Variants in TENM1 observed in about 807,000 individuals in gnomAD.
TENM1 encodes teneurin transmembrane protein 1, also known as teneurin-1.
Under a neutral mutation model 174.8 loss-of-function variants are expected in TENM1, and 35 were observed. The ratio of observed to expected loss-of-function variants is 0.20; its 90% CI spans 0.15 to 0.27. TENM1 has a LOEUF of 0.27. Ranked by LOEUF, TENM1 falls within the 10% of genes least tolerant of loss-of-function variation. TENM1 has a pLI of 1.00. For synonymous variants in TENM1, 781 were observed against 798.7 expected (o/e 0.98, Z 0.37); for missense variants, 1,633 against 2,130.1 (o/e 0.77, Z 4.59).
At chrX:124,854,771 T>C (rs2056784119) in intron 3 of TENM1, among the ~76,000 whole-genome samples, 1 of 111,608 alleles carries the variant, frequency 9.0e-6, no homozygotes, top group South Asian at 3.7e-4. Context: ...AAACTGTTGT[T>C]TGGAAAAATA....
chrX:124,948,905 A>C (rs1214578692), intron 1 of TENM1, among the ~76,000 whole-genome samples: 1 of 111,933 alleles, frequency 8.9e-6, no homozygotes, highest in Non-Finnish European at 1.9e-5. Flanking sequence ...ATAGCAGCTT[A>C]ATTGGAGGTA....
chrX:124,984,794 T>C, the TENM1 span, among the ~76,000 whole-genome samples: 1 of 112,156 alleles, frequency 8.9e-6, no homozygotes, highest in African/African-American at 3.2e-5. Flanking sequence ...CACTATTGAA[T>C]AGAATAAGAA....
At chrX:125,052,801 C>T in the TENM1 span, among the ~76,000 whole-genome samples, 21 of 112,340 alleles carry the variant, frequency 1.9e-4, no homozygotes, top group African/African-American at 6.8e-4. Context: ...TTCCGGGCTT[C>T]GCCAACAGAA....
At chrX:124,377,835 C>T (rs190929172) in exon 32 of TENM1, 2 of 111,682 alleles carry the variant, frequency 1.8e-5, no homozygotes, top group African/African-American at 6.5e-5. Context: ...GAAATGCAAA[C>T]GAATTGTTCT....
At chrX:124,610,616 A>C (rs1378175421) in intron 11 of TENM1, among the ~76,000 whole-genome samples, 3 of 110,881 alleles carry the variant, frequency 2.7e-5, no homozygotes, top group Non-Finnish European at 5.7e-5. Context: ...TCCTTATTAA[A>C]ATGAATCAGT....
chrX:124,531,300 G>A (rs765618009), intron 15 of TENM1, among the ~76,000 whole-genome samples: 1 of 109,614 alleles, frequency 9.1e-6, no homozygotes, highest in East Asian at 2.9e-4. Flanking sequence ...AGTAAAGGGA[G>A]GAATGTAAAG....
At chrX:125,054,019 T>G in the TENM1 span, among the ~76,000 whole-genome samples, 1 of 112,067 alleles carries the variant, frequency 8.9e-6, no homozygotes, top group African/African-American at 3.2e-5. Context: ...TCCATTAGAC[T>G]AATCAAATTC....
rs147807757 is a variant in TENM1 at position 124,719,808 on chromosome X, G to A, written c.777-14557C>T. 4.5e-5 allele frequency among the ~76,000 whole-genome samples: 5 copies of A among 111,941 alleles called. No homozygotes were observed. In the East Asian group the frequency reaches 1.4e-3, roughly 31 times the overall value. On this transcript the variant is annotated intron_variant, in intron 4 of 31. Transcript: ENST00000422452. ...ACTTGGCAAATATAATATTAAACCT[G>A]GACTTATTTTTTCTATGCATCATTG... is the stretch of plus-strand genomic sequence containing the variant.
At chrX:125,104,600 C>T in the TENM1 span, among the ~76,000 whole-genome samples, 1 of 107,733 alleles carries the variant, frequency 9.3e-6, no homozygotes, top group Non-Finnish European at 1.9e-5. Context: ...CACCCCTGTC[C>T]ATATCTCATG....
intron 1 of TENM1, among the ~76,000 whole-genome samples, chrX:124,949,553 C>T (rs1397897770): frequency 1.8e-5 from 2 of 111,480 alleles, no homozygotes; most frequent in Non-Finnish European, 3.8e-5. Context: ...CAAGATTGCA[C>T]GGCACCAAGG....
chrX:125,143,683 T>C, the TENM1 span, among the ~76,000 whole-genome samples: 2 of 111,187 alleles, frequency 1.8e-5, no homozygotes, highest in African/African-American at 6.6e-5. Flanking sequence ...TTTCCGACAT[T>C]GTGATACAAT....
the TENM1 span, among the ~76,000 whole-genome samples, chrX:125,041,457 T>C: frequency 3.6e-5 from 4 of 111,469 alleles, no homozygotes; most frequent in African/African-American, 1.3e-4. Flanking sequence ...AATGTTCTCC[T>C]AATTCATCTA....
At chrX:124,437,450 A>G (rs1462088292) in intron 23 of TENM1, among the ~76,000 whole-genome samples, 1 of 110,872 alleles carries the variant, frequency 9.0e-6, no homozygotes, top group African/African-American at 3.3e-5. Flanking sequence ...GTTGGTTGTG[A>G]ATGATTTTAT....
In TENM1 at chrX:124,641,715, A is replaced by G. The variant is rs187745827; in HGVS notation, c.2077+76T>C. The G allele has an allele frequency of 7.0e-6, 7 of 998,878 alleles. No homozygotes were observed. The Admixed American group carries it at 1.3e-4, about 19-fold the overall frequency. The allele number at this position is 998,878 out of a possible 1,213,427, so 82.3% of individuals were successfully genotyped here. A position where few individuals can be genotyped will look rare whatever the true frequency, so the allele number is the denominator to read the frequency against. ...CACAAAGGTGTACAGATCATATTTTAAGAAACACTGCCTTAAGGAAGGAAC... is the reference window on the plus strand; with the variant it reads ...CACAAAGGTGTACAGATCATATTTTGAGAAACACTGCCTTAAGGAAGGAAC... On this transcript the variant is annotated intron_variant, in intron 11 of 31. Transcript: ENST00000422452.
At chrX:124,805,258 G>C (rs1408470278) in intron 3 of TENM1, among the ~76,000 whole-genome samples, 2 of 111,815 alleles carry the variant, frequency 1.8e-5, no homozygotes, top group East Asian at 5.6e-4. Context: ...AGTAATGGGA[G>C]GAATAATTTT....
At chrX:124,985,580 T>C in the TENM1 span, among the ~76,000 whole-genome samples, 4 of 112,189 alleles carry the variant, frequency 3.6e-5, no homozygotes, top group African/African-American at 1.3e-4. Flanking sequence ...AAACTACTTG[T>C]CACAGAAAAT....
At chrX:124,467,359 A>G (rs1235271165) in intron 22 of TENM1, among the ~76,000 whole-genome samples, 1 of 111,768 alleles carries the variant, frequency 8.9e-6, no homozygotes, top group Non-Finnish European at 1.9e-5. Context: ...CTCACTCCCA[A>G]GGGAACAGTG....
rs1257692658 is a variant in TENM1 at position 124,396,304 on chromosome X, C to CTTTTTTTTTTT, written c.5392-3967_5392-3957dup. The stretch of plus-strand genomic sequence containing the variant: ...CTTTTCCAGCTGAGCCTCTCCCAAC[C>CTTTTTTTTTTT]TTTTTTTTTTTTTTCGAGCCGGAGT... On this transcript the variant is annotated intron_variant, in intron 27 of 31. Transcript: ENST00000422452. 8.0e-3 allele frequency among the ~76,000 whole-genome samples: 566 copies of CTTTTTTTTTTT among 70,388 alleles called. 90 individuals carry two copies. Among genetic ancestry groups the CTTTTTTTTTTT allele is most frequent in the African/African-American group, 0.032 (508 of 15,850 alleles). The allele number at this position is 70,388 out of a possible 115,157, so 61.1% of individuals were successfully genotyped here. A position where few individuals can be genotyped will look rare whatever the true frequency, so the allele number is the denominator to read the frequency against.
chrX:124,559,519 T>G (rs1431021179), intron 14 of TENM1, among the ~76,000 whole-genome samples: 1 of 109,782 alleles, frequency 9.1e-6, no homozygotes, highest in Non-Finnish European at 1.9e-5. Context: ...ATTATAGAAA[T>G]TAGCCAGGAG....
Sources: allele counts gnomAD v4.1 joint callset (sites outside exome capture counted in the v4.1 genomes callset), GRCh38; gene constraint gnomAD v4.1.1; transcripts MANE v1.5; gene names NCBI Gene and HGNC (gene_info 2026-07-23, HGNC 2026-07-21).